GALNTL6: variants seen among roughly 807,000 people sequenced by gnomAD.
GALNTL6 encodes the protein polypeptide N-acetylgalactosaminyltransferase-like 6.
In GALNTL6, 46 loss-of-function variants were observed where a neutral mutation model predicts 73.7. That is an observed-to-expected ratio of 0.62 (90% confidence interval 0.49 to 0.80). The LOEUF (loss-of-function observed/expected upper bound fraction) is 0.80. Among genes scored for constraint, GALNTL6 ranks in the 30% least tolerant of loss-of-function variants. The probability of loss-of-function intolerance (pLI) is 0.00; values close to 1 mark genes in which losing one functional copy is unlikely to be tolerated. For synonymous variants in GALNTL6, 259 were observed against 263.7 expected (o/e 0.98, Z 0.17); for missense variants, 604 against 755.0 (o/e 0.80, Z 2.34).
intron 5 of GALNTL6, among the ~76,000 whole-genome samples, chr4:172,367,340 T>C (rs1475539784): frequency 1.3e-5 from 2 of 152,202 alleles, no homozygotes; most frequent in Non-Finnish European, 2.9e-5. Context: ...CCTTCATTCA[T>C]GATTAACTTG....
At chr4:172,211,970 A>T (rs772430241) in intron 2 of GALNTL6, among the ~76,000 whole-genome samples, 1 of 152,106 alleles carries the variant, frequency 6.6e-6, no homozygotes, top group Non-Finnish European at 1.5e-5. Context: ...GGGGAAAGCA[A>T]CTTTCCGACC....
intron 2 of GALNTL6, among the ~76,000 whole-genome samples, chr4:172,104,773 C>A (rs1007217343): frequency 1.3e-5 from 2 of 152,096 alleles, no homozygotes; most frequent in Non-Finnish European, 2.9e-5. Context: ...AAATGCTAAG[C>A]CCTTGCATTG....
chr4:172,280,090 G>A (rs1306069346), intron 3 of GALNTL6, among the ~76,000 whole-genome samples: 1 of 152,136 alleles, frequency 6.6e-6, no homozygotes, highest in Non-Finnish European at 1.5e-5. Context: ...AGAAAGAAAT[G>A]CAGAGTTGTT....
Position 172,348,512 on chromosome 4 carries a change from C to G in GALNTL6, c.387-11C>G. On this transcript the variant is annotated splice_polypyrimidine_tract_variant and intron_variant, in intron 4 of 12. Coordinates refer to ENST00000506823, the MANE Select transcript of GALNTL6 (RefSeq NM_001034845.3). ...TATTTGACACACCATTTTCTTTTCC[C>G]TCATCTCCAGCTGTAAGCATAAGAT... The G allele has an allele frequency of 6.2e-7, 1 of 1,603,474 alleles. No individual in the cohort carries two copies. Among genetic ancestry groups the G allele is most frequent in the South Asian group, 1.1e-5 (1 of 89,406 alleles).
At chr4:172,974,517 A>C (rs1561064916) in intron 10 of GALNTL6, among the ~76,000 whole-genome samples, 1 of 152,210 alleles carries the variant, frequency 6.6e-6, no homozygotes, top group Non-Finnish European at 1.5e-5. Context: ...GAAACATATG[A>C]CCCAATTATT....
chr4:172,990,541 T>A (rs955507437), intron 10 of GALNTL6, among the ~76,000 whole-genome samples: 1 of 152,124 alleles, frequency 6.6e-6, no homozygotes. Context: ...CCTGAACAGA[T>A]CAGCTGTCTA....
At chr4:172,652,116 T>A (rs1178562928) in intron 5 of GALNTL6, among the ~76,000 whole-genome samples, 1 of 152,176 alleles carries the variant, frequency 6.6e-6, no homozygotes, top group Non-Finnish European at 1.5e-5. Flanking sequence ...ACTGGAAAAG[T>A]CATCTAGATT....
chr4:172,206,978 C>T (rs756826888), intron 2 of GALNTL6, among the ~76,000 whole-genome samples: 6 of 151,314 alleles, frequency 4.0e-5, no homozygotes, highest in East Asian at 2.0e-4. Context: ...CCACCACGCC[C>T]GGCTAGTTTT....
intron 2 of GALNTL6, among the ~76,000 whole-genome samples, chr4:172,207,411 G>A (rs1472121159): frequency 7.9e-5 from 12 of 152,088 alleles, no homozygotes. Flanking sequence ...GAGGGATGGT[G>A]GTGCTCTTTC....
intron 5 of GALNTL6, among the ~76,000 whole-genome samples, chr4:172,672,653 TG>T (rs1401532731): frequency 9.5e-5 from 1 of 10,566 alleles, no homozygotes; most frequent in Non-Finnish European, 2.5e-4. Flanking sequence ...CTGGGCTTTT[TG>T]TTTTTTTTTG....
intron 7 of GALNTL6, among the ~76,000 whole-genome samples, chr4:172,863,155 G>T (rs1290762541): frequency 3.9e-5 from 6 of 152,232 alleles, no homozygotes; most frequent in Non-Finnish European, 7.3e-5. Flanking sequence ...TGCTGCAGGG[G>T]CAGGGACCTC....
At position 172,654,155 on chromosome 4, in the gene GALNTL6, G is replaced by T. The variant is rs139715386; in HGVS notation, c.554-155206G>T. ...AGGAAAATTAACCTTCAGATTAGTG[G>T]ACTTCACTCCATGCAAATGGTAAAA... On this transcript the variant is annotated intron_variant, in intron 5 of 12. Coordinates refer to ENST00000506823, the MANE Select transcript of GALNTL6 (RefSeq NM_001034845.3). 4.6e-3 allele frequency among the ~76,000 whole-genome samples: 697 copies of T among 152,238 alleles called. 10 individuals carry two copies. The highest frequency in any genetic ancestry group is 0.013 in the African/African-American group (559 of 41,530).
chr4:172,762,223 T>TCTG (rs1217557853), intron 5 of GALNTL6, among the ~76,000 whole-genome samples: 1 of 152,232 alleles, frequency 6.6e-6, no homozygotes, highest in Non-Finnish European at 1.5e-5. Flanking sequence ...CAATGTTGCT[T>TCTG]CTGCTCATTC....
At chr4:172,760,218 G>A (rs1415410844) in intron 5 of GALNTL6, among the ~76,000 whole-genome samples, 2 of 152,164 alleles carry the variant, frequency 1.3e-5, no homozygotes, top group Non-Finnish European at 2.9e-5. Flanking sequence ...TAGGTAGGCT[G>A]AACCCGATTA....
chr4:172,832,542 T>C (rs1170011128), intron 7 of GALNTL6, among the ~76,000 whole-genome samples: 2 of 152,232 alleles, frequency 1.3e-5, no homozygotes, highest in African/African-American at 2.4e-5. Context: ...GCTGCAAAGA[T>C]GTGTGACTAG....
intron 3 of GALNTL6, among the ~76,000 whole-genome samples, chr4:172,269,780 T>C (rs34835028): frequency 0.13 from 19,019 of 151,860 alleles, 1,287 homozygotes; most frequent in East Asian, 0.29. Context: ...GAGACAGAGT[T>C]TCACTTTGTC....
chr4:172,551,601 A>G (rs1276613035), intron 5 of GALNTL6, among the ~76,000 whole-genome samples: 3 of 152,326 alleles, frequency 2.0e-5, no homozygotes, highest in Admixed American at 1.3e-4. Context: ...TGTGATCAGT[A>G]TGTTAGTTTC....
chr4:172,783,023 T>C (rs2110903088), intron 5 of GALNTL6, among the ~76,000 whole-genome samples: 1 of 152,070 alleles, frequency 6.6e-6, no homozygotes, highest in African/African-American at 2.4e-5. Flanking sequence ...CTAAAGTGTG[T>C]CTTATTTGTA....
At chr4:172,684,811 T>C (rs566874339) in intron 5 of GALNTL6, among the ~76,000 whole-genome samples, 1 of 152,320 alleles carries the variant, frequency 6.6e-6, no homozygotes, top group Non-Finnish European at 1.5e-5. Flanking sequence ...CTCCTATGCC[T>C]TTGCTCGTGC....
Sources: gnomAD v4.1 joint callset for allele counts (sites outside exome capture counted in the v4.1 genomes callset) on GRCh38, gnomAD v4.1.1 for gene constraint, MANE v1.5 for transcripts, NCBI Gene and HGNC (gene_info 2026-07-23, HGNC 2026-07-21) for gene names.